Variants in PAK4 observed in about 807,000 individuals in gnomAD.
PAK4 encodes p21 (RAC1) activated kinase 4, also known as serine/threonine-protein kinase PAK 4.
A neutral mutation model predicts 53.5 loss-of-function variants in PAK4; 49 were observed. The observed-to-expected ratio is 0.92, with a 90% CI of 0.73 to 1.16. The LOEUF (loss-of-function observed/expected upper bound fraction) is 1.16. Among genes scored for constraint, PAK4 ranks in the 50% most tolerant of loss-of-function variants. The pLI, the probability that PAK4 is intolerant of heterozygous loss-of-function variation, is 0.00. For synonymous variants in PAK4, 376 were observed against 375.6 expected (o/e 1.00, Z -0.01); for missense variants, 824 against 850.7 (o/e 0.97, Z 0.39).
In PAK4 at chr19:39,173,092, G is replaced by A; in HGVS notation, c.379G>A (p.Gly127Arg). Reference sequence around the variant, plus strand: ...AGAGGAGCCGGCCACCACGGCCAGAGGGGGCCCAGGGAAGGCAGGCAGCCG... The same window carrying A: ...AGAGGAGCCGGCCACCACGGCCAGAAGGGGCCCAGGGAAGGCAGGCAGCCG... The change falls in exon 3 of 9, where the codon GGG becomes AGG. Residue 127 changes from glycine (G) to arginine (R), a missense_variant. Around this residue, in one of 2 missense-constraint regions of PAK4, gnomAD observed 478 missense variants for 435.8 expected, o/e 1.10. Coordinates refer to ENST00000358301, the Ensembl canonical transcript of PAK4. This position sits in a 1 kb window ranked among gnomAD's most constrained non-coding sequence, Gnocchi z 6.9. The A allele has an allele frequency of 6.5e-7, 1 of 1,548,376 alleles. No individual in the cohort carries two copies. Among genetic ancestry groups the A allele is most frequent in the Non-Finnish European group, 8.7e-7 (1 of 1,146,384 alleles).
intron 1 of PAK4, among the ~76,000 whole-genome samples, chr19:39,163,542 G>A (rs552365593): frequency 1.3e-5 from 2 of 152,154 alleles, no homozygotes; most frequent in Non-Finnish European, 2.9e-5. Flanking sequence ...CCCAGAAAAG[G>A]TCAGAGGATG....
At chr19:39,176,854 G>C in intron 7 of PAK4, 139 bp downstream of exon 8, 1 of 994,184 alleles carries the variant, frequency 1.0e-6, no homozygotes, top group Middle Eastern at 3.2e-4. Context: ...GGTACTGCAG[G>C]CATGCATGTA....
intron 1 of PAK4, among the ~76,000 whole-genome samples, chr19:39,143,184 G>T (rs2073937824): frequency 6.6e-6 from 1 of 151,728 alleles, no homozygotes; most frequent in Non-Finnish European, 1.5e-5. Flanking sequence ...CTCCAGGAGA[G>T]CAGAGACTCT....
In PAK4 at chr19:39,139,455, C is replaced by T. The variant is rs376438129; in HGVS notation, c.-23+13536C>T. On this transcript the variant is annotated intron_variant, in intron 1 of 8. Coordinates refer to ENST00000358301, the Ensembl canonical transcript of PAK4. ...GGAGGACTGAGTGATGGCTTGGAGGCGGCTGGACCAGGAACACCTCATGGG... is the reference window on the plus strand; with the variant it reads ...GGAGGACTGAGTGATGGCTTGGAGGTGGCTGGACCAGGAACACCTCATGGG... 4.1e-4 allele frequency among the ~76,000 whole-genome samples: 63 copies of T among 152,176 alleles called. 1 individual carries two copies. The South Asian group carries it at 0.011, about 26-fold the overall frequency.
intron 1 of PAK4, among the ~76,000 whole-genome samples, chr19:39,126,463 C>CGGGG (rs1568491815): frequency 1.5e-5 from 1 of 67,020 alleles, no homozygotes; most frequent in African/African-American, 6.2e-5. Flanking sequence ...GGGGGGGGGC[C>CGGGG]GGGTCAGAGA....
intron 2 of PAK4, among the ~76,000 whole-genome samples, chr19:39,170,609 C>A (rs372919609): frequency 4.3e-4 from 65 of 152,306 alleles, no homozygotes; most frequent in African/African-American, 1.4e-3. Flanking sequence ...GGCCGCAGGC[C>A]AAGGGGAACT....
chr19:39,129,107 T>A (rs1302571116), intron 1 of PAK4, among the ~76,000 whole-genome samples: 2 of 152,176 alleles, frequency 1.3e-5, no homozygotes, highest in East Asian at 3.9e-4. Context: ...GGGATCTTGC[T>A]ATGTTGCCTA....
intron 1 of PAK4, among the ~76,000 whole-genome samples, chr19:39,166,333 A>G (rs1406410230): frequency 6.6e-6 from 1 of 152,210 alleles, no homozygotes; most frequent in East Asian, 1.9e-4. Flanking sequence ...AATCCCAGCT[A>G]CTTGGGAGGC....
intron 1 of PAK4, chr19:39,152,231 C>G (rs1307732238): frequency 6.6e-6 from 1 of 152,102 alleles, no homozygotes; most frequent in Non-Finnish European, 1.5e-5. Context: ...ACTGCACAGC[C>G]TCGTGATGAA....
chr19:39,172,861 C>G, intron 2 of PAK4, 57 bp from the exon 4 acceptor site: 1 of 1,400,450 alleles, frequency 7.1e-7, no homozygotes, highest in Non-Finnish European at 9.7e-7. Flanking sequence ...GTCGGATGCA[C>G]GTCCTGTGTG....
At position 39,173,785 on chromosome 19, in the gene PAK4, ACCACAGCGGGAG is replaced by A. The variant is rs754609930; in HGVS notation, c.882_893del (p.Glu295_Arg298del). On this transcript the variant is annotated inframe_deletion, in exon 4 of 9. Transcript: ENST00000358301. This position sits in a 1 kb window ranked among gnomAD's most constrained non-coding sequence, Gnocchi z 6.9. ...TTCCTGGGCCCCCTGGCCCCCGCTC[ACCACAGCGGGAG>A]CCACAGCGAGTATCCCATGAGCAGT... 3.1e-6 allele frequency: 5 copies of A among 1,604,248 alleles called. No individual in the cohort carries two copies. In the African/African-American group the frequency reaches 4.0e-5, roughly 13 times the overall value.
intron 1 of PAK4, among the ~76,000 whole-genome samples, chr19:39,136,827 C>T (rs2073824238): frequency 6.6e-6 from 1 of 152,230 alleles, no homozygotes; most frequent in African/African-American, 2.4e-5. Context: ...GGGACCCGCC[C>T]TGGGTGGGGC....
rs1489672439 is a variant in PAK4, at chr19:39,175,088, T to C, written c.1232+24T>C. 13 of 1,590,356 alleles carry C rather than the reference T, an allele frequency of 8.2e-6. No homozygotes were observed. Among genetic ancestry groups the C allele is most frequent in the Non-Finnish European group, 7.7e-6 (9 of 1,167,858 alleles). ...AGGTATTTCTGGGGCCTCAGACCCC[T>C]CCTGTGACACGACCAAGTCCCCTCC... On this transcript the variant is annotated intron_variant, in intron 5 of 8. Coordinates refer to ENST00000358301, the Ensembl canonical transcript of PAK4. This position sits in a 1 kb window ranked among gnomAD's most constrained non-coding sequence, Gnocchi z 4.7.
intron 1 of PAK4, among the ~76,000 whole-genome samples, chr19:39,128,364 C>T (rs1434311777): frequency 1.3e-5 from 2 of 152,184 alleles, no homozygotes; most frequent in African/African-American, 4.8e-5. Context: ...TCTCTGGCAG[C>T]CACCCCATCC....
chr19:39,162,790 C>T (rs1022916245), intron 1 of PAK4, among the ~76,000 whole-genome samples: 1 of 152,152 alleles, frequency 6.6e-6, no homozygotes, highest in African/African-American at 2.4e-5. Context: ...GCAGAGTCAG[C>T]CCTTGGTAGA....
chr19:39,127,297 C>T (rs1600290774), intron 1 of PAK4, among the ~76,000 whole-genome samples: 1 of 152,022 alleles, frequency 6.6e-6, no homozygotes, highest in Admixed American at 6.5e-5. Context: ...CTTTACTGTT[C>T]TCCAACTCCA....
intron 1 of PAK4, among the ~76,000 whole-genome samples, chr19:39,143,592 C>CAGAAAAAA (rs2073947436): frequency 4.9e-5 from 1 of 20,430 alleles, no homozygotes; most frequent in Non-Finnish European, 8.9e-5. Context: ...GACTCTGTCT[C>CAGAAAAAA]AAAAAAAAAA....
At chr19:39,145,206 G>A (rs1163543030) in intron 1 of PAK4, among the ~76,000 whole-genome samples, 5 of 151,812 alleles carry the variant, frequency 3.3e-5, no homozygotes, top group African/African-American at 9.7e-5. Flanking sequence ...GCTAAAAGAC[G>A]AAATGCTTGC....
At chr19:39,154,199 T>TA (rs2074138879) in intron 1 of PAK4, among the ~76,000 whole-genome samples, 1 of 152,154 alleles carries the variant, frequency 6.6e-6, no homozygotes, top group South Asian at 2.1e-4. Context: ...GGGCCTGCGT[T>TA]ATGCTGGAGT....
Sources: gnomAD v4.1 joint callset for allele counts (sites outside exome capture counted in the v4.1 genomes callset) on GRCh38, gnomAD v4.1.1 for gene constraint, gnomAD v4.1.1 regional missense constraint, Gnocchi (gnomAD v3.1) non-coding constraint, MANE v1.5 for transcripts, NCBI Gene and HGNC (gene_info 2026-07-23, HGNC 2026-07-21) for gene names.